Variants in REV1 observed in about 807,000 individuals in gnomAD.
REV1 encodes the protein REV1 DNA directed polymerase, also known as translesion synthesis protein REV1.
Under a neutral mutation model 137.4 loss-of-function variants are expected in REV1, and 42 were observed. That is an observed-to-expected ratio of 0.31 (90% confidence interval 0.24 to 0.40). The LOEUF is 0.40. REV1 is among the 10% of genes least tolerant of loss of function. The probability of loss-of-function intolerance (pLI) is 1.00; values close to 1 mark genes in which losing one functional copy is unlikely to be tolerated. For missense variants in REV1, 1,282 were observed against 1,490.1 expected (o/e 0.86, Z 2.30); for synonymous variants, 524 against 519.2 (o/e 1.01, Z -0.12).
At chr2:99,489,140 G>A (rs750342932) in intron 1 of REV1, among the ~76,000 whole-genome samples, 1 of 152,154 alleles carries the variant, frequency 6.6e-6, no homozygotes, top group Non-Finnish European at 1.5e-5. Flanking sequence ...TACAGAAGTG[G>A]GCAAGGGGCT....
At chr2:99,466,199 C>G (rs867141265) in intron 1 of REV1, among the ~76,000 whole-genome samples, 26 of 152,244 alleles carry the variant, frequency 1.7e-4, no homozygotes, top group African/African-American at 5.1e-4. Context: ...GATCCGCCGG[C>G]CTCTGCCTCC....
At chr2:99,436,990 GT>G (rs749608176) in intron 6 of REV1, among the ~76,000 whole-genome samples, 338 of 128,848 alleles carry the variant, frequency 2.6e-3, no homozygotes, top group African/African-American at 3.3e-3. Flanking sequence ...CTTTTTTTTT[GT>G]TTTTTTTTTT....
chr2:99,464,787 T>C (rs1050070954), intron 2 of REV1, 135 bp downstream of exon 2: 1 of 795,908 alleles, frequency 1.3e-6, no homozygotes, highest in Non-Finnish European at 2.1e-6. Flanking sequence ...AGGCTTTCAA[T>C]ACACTGTGAA....
At chr2:99,476,216 C>T (rs907802079) in intron 1 of REV1, among the ~76,000 whole-genome samples, 2 of 152,120 alleles carry the variant, frequency 1.3e-5, no homozygotes, top group East Asian at 3.9e-4. Context: ...TCTTTTCCCC[C>T]CCTTCACATG....
intron 17 of REV1, 90 bp downstream of exon 17, chr2:99,405,819 TA>T: frequency 1.1e-6 from 1 of 944,388 alleles, no homozygotes; most frequent in Non-Finnish European, 1.5e-6. Flanking sequence ...GATGAAGAAA[TA>T]AAAATGCCAT....
At chr2:99,486,788 CCTA>C in intron 1 of REV1, among the ~76,000 whole-genome samples, 1 of 152,242 alleles carries the variant, frequency 6.6e-6, no homozygotes, top group South Asian at 2.1e-4. Context: ...TTACTGACAG[CCTA>C]CTATGTACCA....
intron 16 of REV1, 103 bp downstream of exon 16, chr2:99,406,222 A>G: frequency 7.0e-7 from 1 of 1,427,904 alleles, no homozygotes; most frequent in Non-Finnish European, 9.4e-7. Flanking sequence ...GAAGAATATA[A>G]ATTTTTAAAA....
Position 99,401,314 on chromosome 2 carries a change from G to A in REV1, c.3683C>T (p.Ala1228Val). Residue 1228 changes from alanine (A) to valine (V), a missense_variant, in exon 23 of 23, where the codon GCA (alanine) becomes GTA (valine). Ala to Val is a moderately conservative substitution (Grantham distance 64). This residue lies in a region of REV1 where 43 missense variants were observed against 79.1 expected (regional missense o/e 0.54). Coordinates refer to ENST00000258428, the MANE Select transcript of REV1 (RefSeq NM_016316.4). ...QQSVESVWNM[A>V]FDFILDNVQV... ...GACATTGTCAAGAATAAAGTCAAATGCCATATTCCAAACCGATTCCACCGA... is the reference window on the plus strand; with the variant it reads ...GACATTGTCAAGAATAAAGTCAAATACCATATTCCAAACCGATTCCACCGA... The A allele has an allele frequency of 6.2e-7, 1 of 1,613,706 alleles. No homozygotes were observed. The highest frequency in any genetic ancestry group is 8.5e-7 in the Non-Finnish European group (1 of 1,179,746).
intron 9 of REV1, among the ~76,000 whole-genome samples, chr2:99,428,991 CAAAAAAAAAAA>C (rs762850171): frequency 1.6e-5 from 1 of 63,830 alleles, no homozygotes; most frequent in African/African-American, 6.0e-5. Context: ...GACTCCGTCT[CAAAAAAAAAAA>C]AAAAAAAAAA....
chr2:99,470,424 G>C (rs1373184995), intron 1 of REV1, among the ~76,000 whole-genome samples: 2 of 152,168 alleles, frequency 1.3e-5, no homozygotes, highest in Admixed American at 6.5e-5. Context: ...GGAATAAATA[G>C]TAACTTCTCT....
chr2:99,447,981 C>G (rs1011008084), intron 4 of REV1, among the ~76,000 whole-genome samples: 1 of 152,268 alleles, frequency 6.6e-6, no homozygotes, highest in East Asian at 1.9e-4. Context: ...CAGGCATGAG[C>G]CACCATGCCC....
intron 1 of REV1, among the ~76,000 whole-genome samples, chr2:99,471,271 G>C (rs1363040450): frequency 6.6e-6 from 1 of 152,184 alleles, no homozygotes; most frequent in Non-Finnish European, 1.5e-5. Context: ...TTAATAAAGG[G>C]CTTAAGGTAT....
At chr2:99,415,303 T>C (rs1677698860) in intron 12 of REV1, among the ~76,000 whole-genome samples, 1 of 152,126 alleles carries the variant, frequency 6.6e-6, no homozygotes, top group South Asian at 2.1e-4. Flanking sequence ...GAAAATATGC[T>C]CTTTTAGAAT....
intron 1 of REV1, among the ~76,000 whole-genome samples, chr2:99,479,732 G>A (rs1269125952): frequency 1.3e-5 from 2 of 151,866 alleles, no homozygotes; most frequent in African/African-American, 2.4e-5. Flanking sequence ...AGGCTGCAGT[G>A]AACCACTGCA....
intron 3 of REV1, among the ~76,000 whole-genome samples, chr2:99,451,889 A>G (rs192794263): frequency 1.3e-5 from 2 of 152,282 alleles, no homozygotes; most frequent in Non-Finnish European, 1.5e-5. Flanking sequence ...CCACTTTGTC[A>G]GGTCCAACAG....
chr2:99,453,526 C>T (rs906704160), intron 3 of REV1, among the ~76,000 whole-genome samples: 5 of 152,150 alleles, frequency 3.3e-5, no homozygotes, highest in African/African-American at 4.8e-5. Flanking sequence ...AAATCCTTCT[C>T]TTGTTGCCCA....
rs1680154800 is a variant in REV1 at position 99,431,687 on chromosome 2, TGC to T, written c.1439-1741_1439-1740del. ...GTCTCTGTGGTCCATGCGCCCCCAG[TGC>T]CCTGGCCTGAGAGGCAGCACCATCG... is the stretch of plus-strand genomic sequence containing the variant. On this transcript the variant is annotated intron_variant, in intron 8 of 22. Coordinates refer to ENST00000258428, the MANE Select transcript of REV1 (RefSeq NM_016316.4). 4 of 980,052 alleles carry T rather than the reference TGC, an allele frequency of 4.1e-6. No homozygotes were observed. The South Asian group carries it at 1.9e-4, about 46-fold the overall frequency. The allele number at this position is 980,052 out of a possible 1,614,324, so 60.7% of individuals were successfully genotyped here. A position where few individuals can be genotyped will look rare whatever the true frequency, so the allele number is the denominator to read the frequency against.
At chr2:99,420,224 T>C (rs1678478791) in intron 11 of REV1, among the ~76,000 whole-genome samples, 1 of 152,214 alleles carries the variant, frequency 6.6e-6, no homozygotes, top group Admixed American at 6.5e-5. Flanking sequence ...ATCATACTTT[T>C]TATTTTCTGT....
At chr2:99,474,420 T>A (rs1451719212) in intron 1 of REV1, among the ~76,000 whole-genome samples, 1 of 152,238 alleles carries the variant, frequency 6.6e-6, no homozygotes, top group Non-Finnish European at 1.5e-5. Flanking sequence ...GGTATCAATA[T>A]GAACTGCTAA....
Sources: gnomAD v4.1 joint callset for allele counts (sites outside exome capture counted in the v4.1 genomes callset) on GRCh38, gnomAD v4.1.1 for gene constraint, gnomAD v4.1.1 regional missense constraint, MANE v1.5 for transcripts, NCBI Gene and HGNC (gene_info 2026-07-23, HGNC 2026-07-21) for gene names.